Variants in UTP20 observed in about 807,000 individuals in gnomAD.
UTP20 encodes UTP20 small subunit processome component.
In UTP20, 164 loss-of-function variants were observed where a neutral mutation model predicts 329.5. That is an observed-to-expected ratio of 0.50 (90% confidence interval 0.44 to 0.57). UTP20 has a LOEUF of 0.57. UTP20 is among the 20% of genes least tolerant of loss of function. The pLI is 0.00. For missense variants in UTP20, 3,055 were observed against 3,284.2 expected, an observed-to-expected ratio of 0.93 and a Z score of 1.71; for synonymous variants, 1,151 against 1,159.3, an observed-to-expected ratio of 0.99 and a Z score of 0.14.
Position 101,338,131 on chromosome 12 carries a change from C to T in UTP20, c.3722C>T (p.Ala1241Val), listed in dbSNP as rs140749743. The change falls in exon 30 of 62, where the codon GCG becomes GTG. Residue 1241 changes from alanine (A) to valine (V), a missense_variant. Physicochemically the swap from Ala to Val is moderately conservative, Grantham distance 64. Around this residue, in one of 3 missense-constraint regions of UTP20, gnomAD observed 2,445 missense variants for 2,575.5 expected, o/e 0.95. Coordinates refer to ENST00000261637, the MANE Select transcript of UTP20 (RefSeq NM_014503.3). ...ILTNVFAILS[A>V]KNLSDATASI... The stretch of plus-strand genomic sequence containing the variant: ...ACCAATGTTTTTGCAATTCTCTCAG[C>T]GAAGAATCTTTCTGATGCCACAGCC... The T allele has an allele frequency of 8.0e-4, 1,292 of 1,614,124 alleles. 3 individuals are homozygous for T. The highest frequency in any genetic ancestry group is 7.6e-4 in the Non-Finnish European group (893 of 1,180,014).
chr12:101,354,285 G>GA (rs60531563), intron 40 of UTP20, among the ~76,000 whole-genome samples: 17,448 of 111,098 alleles, frequency 0.16, 2,813 homozygotes, highest in East Asian at 0.48. Flanking sequence ...AAAAAAAAAA[G>GA]AAAAGAAATT....
chr12:101,346,332 G>A (rs905021875), intron 37 of UTP20, 119 bp from the exon 38 acceptor site: 33 of 1,234,774 alleles, frequency 2.7e-5, no homozygotes, highest in African/African-American at 7.8e-5. Context: ...TTACAGGCAT[G>A]AGCCACCGCA....
chr12:101,313,542 C>G (rs1422285684), intron 21 of UTP20, among the ~76,000 whole-genome samples: 2 of 151,968 alleles, frequency 1.3e-5, no homozygotes, highest in African/African-American at 2.4e-5. Context: ...GTAGAGAGAC[C>G]AGTCATGAGG....
rs1363688234 is a variant in UTP20, at chr12:101,338,941, C to T, written c.3997C>T (p.Leu1333Phe). ...KKNRAQVSKE[L>F]GILSKISKFM... Reference sequence around the variant, plus strand: ...GAATAGAGCACAAGTCAGTAAAGAGCTTGGCATTCTTTCAAAGTAAGTGAT... The same window carrying T: ...GAATAGAGCACAAGTCAGTAAAGAGTTTGGCATTCTTTCAAAGTAAGTGAT... Residue 1333 changes from leucine to phenylalanine, a missense_variant, in exon 31 of 62, where the codon CTT becomes TTT. By Grantham distance (22) the Leu-to-Phe change is conservative. Around this residue, in one of 3 missense-constraint regions of UTP20, gnomAD observed 2,445 missense variants for 2,575.5 expected, o/e 0.95. Coordinates refer to ENST00000261637, the MANE Select transcript of UTP20 (RefSeq NM_014503.3). The T allele has an allele frequency of 6.3e-7, 1 of 1,593,840 alleles. No homozygotes were observed. Among genetic ancestry groups the T allele is most frequent in the South Asian group, 1.1e-5 (1 of 87,200 alleles).
At chr12:101,298,465 A>G (rs1030087665) in intron 12 of UTP20, among the ~76,000 whole-genome samples, 2 of 152,132 alleles carry the variant, frequency 1.3e-5, no homozygotes, top group African/African-American at 4.8e-5. Flanking sequence ...TAAGCTCAGC[A>G]TGTTTGAAGT....
chr12:101,338,381 T>C, intron 30 of UTP20, 104 bp downstream of exon 30: 1 of 1,142,338 alleles, frequency 8.8e-7, no homozygotes, highest in Non-Finnish European at 1.3e-6. Context: ...CGAGAGCATA[T>C]GCTCAGAAGT....
intron 25 of UTP20, among the ~76,000 whole-genome samples, chr12:101,325,588 ATG>A (rs1318503049): frequency 6.6e-5 from 10 of 152,228 alleles, no homozygotes; most frequent in African/African-American, 2.4e-4. Flanking sequence ...CCCTGAGTAC[ATG>A]TATGATAAAG....
chr12:101,305,385 G>A (rs908535210), intron 15 of UTP20, among the ~76,000 whole-genome samples: 1 of 151,636 alleles, frequency 6.6e-6, no homozygotes, highest in East Asian at 1.9e-4. Flanking sequence ...AAGAGGTTAA[G>A]CAACTTGCCT....
At chr12:101,291,644 G>A (rs844030) in intron 8 of UTP20, 98 bp from the exon 9 acceptor site, 1,020,324 of 1,285,164 alleles carry the variant, frequency 0.79, 406,394 homozygotes, top group African/African-American at 0.89. Flanking sequence ...TCCAAAGCAA[G>A]AGAATGGGAA....
At chr12:101,316,746 T>C (rs981447340) in intron 21 of UTP20, among the ~76,000 whole-genome samples, 21 of 152,162 alleles carry the variant, frequency 1.4e-4, no homozygotes, top group Non-Finnish European at 2.5e-4. Flanking sequence ...AAAAGGTTAA[T>C]TGTTTGGGTG....
Position 101,290,834 on chromosome 12 carries a change from C to G in UTP20, c.837C>G (p.Ser279=), listed in dbSNP as rs750208198. ...AAACACTCAAAAACATGGTCAAATCCACTGTATCCTACATCTCCAAGGAAC... is the reference window on the plus strand; with the variant it reads ...AAACACTCAAAAACATGGTCAAATCGACTGTATCCTACATCTCCAAGGAAC... ...IGETLKNMVK[S]TVSYISKEHF... The change falls in exon 8 of 62, where the codon TCC becomes TCG. Residue 279 remains serine, a synonymous_variant. Coordinates refer to ENST00000261637, the MANE Select transcript of UTP20 (RefSeq NM_014503.3). 4.3e-6 allele frequency: 7 copies of G among 1,613,924 alleles called. No individual in the cohort carries two copies. In the East Asian group the frequency reaches 1.3e-4, roughly 31 times the overall value.
intron 41 of UTP20, among the ~76,000 whole-genome samples, chr12:101,356,350 T>C (rs1459429618): frequency 1.3e-5 from 2 of 152,182 alleles, no homozygotes; most frequent in African/African-American, 4.8e-5. Context: ...GGTCTCAAAC[T>C]CCCGATCTCA....
chr12:101,362,859 A>C (rs1869973563), intron 44 of UTP20, among the ~76,000 whole-genome samples: 1 of 132,990 alleles, frequency 7.5e-6, no homozygotes, highest in Non-Finnish European at 1.5e-5. Flanking sequence ...TAGGCCAGGC[A>C]CAATGGCTCA....
intron 21 of UTP20, among the ~76,000 whole-genome samples, chr12:101,317,134 TA>T (rs1391970221): frequency 6.6e-6 from 1 of 152,216 alleles, no homozygotes; most frequent in Non-Finnish European, 1.5e-5. Flanking sequence ...TGCTATACTT[TA>T]ATCATTTAAT....
At chr12:101,310,241 A>C (rs1484667688) in intron 19 of UTP20, among the ~76,000 whole-genome samples, 1 of 152,096 alleles carries the variant, frequency 6.6e-6, no homozygotes, top group African/African-American at 2.4e-5. Flanking sequence ...AGCATCCAAA[A>C]TCCCTTTAGC....
At chr12:101,289,205 C>T (rs1051070387) in intron 6 of UTP20, among the ~76,000 whole-genome samples, 164 bp downstream of exon 6, 3 of 151,938 alleles carry the variant, frequency 2.0e-5, no homozygotes, top group Non-Finnish European at 4.4e-5. Context: ...GGCAAAACCC[C>T]GTCTCTACTA....
At chr12:101,282,170 C>T (rs1871822430) in intron 2 of UTP20, among the ~76,000 whole-genome samples, 3 of 152,166 alleles carry the variant, frequency 2.0e-5, no homozygotes, top group Non-Finnish European at 4.4e-5. Flanking sequence ...TGCATTATCT[C>T]CACTGTGTAA....
rs1431761454 is a variant in UTP20 at position 101,311,566 on chromosome 12, A to G, written c.2232-153A>G. Among the ~76,000 whole-genome samples, 3 of 152,202 alleles carry G rather than the reference A, an allele frequency of 2.0e-5. No homozygotes were observed. In the East Asian group the frequency reaches 5.8e-4, roughly 29 times the overall value. Reference sequence around the variant, plus strand: ...GCTCAGTGCAGGCATTTTGAAAAATATAGAAAAGTGCAAAAGGTGTTTACG... The same window carrying G: ...GCTCAGTGCAGGCATTTTGAAAAATGTAGAAAAGTGCAAAAGGTGTTTACG... On this transcript the variant is annotated intron_variant, in intron 19 of 61. Transcript: ENST00000261637.
intron 52 of UTP20, 147 bp from the exon 53 acceptor site, chr12:101,373,254 A>G: frequency 1.3e-6 from 1 of 743,052 alleles, no homozygotes; most frequent in Non-Finnish European, 2.2e-6. Flanking sequence ...CTTAATGGAT[A>G]CATACAAGCA....
Sources: gnomAD v4.1 joint callset for allele counts (sites outside exome capture counted in the v4.1 genomes callset) on GRCh38, gnomAD v4.1.1 for gene constraint, gnomAD v4.1.1 regional missense constraint, MANE v1.5 for transcripts, NCBI Gene and HGNC (gene_info 2026-07-23, HGNC 2026-07-21) for gene names.